NFIL3: variants seen among roughly 807,000 people sequenced by gnomAD.
The protein encoded by NFIL3 is nuclear factor, interleukin 3 regulated, also known as nuclear factor interleukin-3-regulated protein.
Under a neutral mutation model 10.0 loss-of-function variants are expected in NFIL3, and 5 were observed. The ratio of observed to expected loss-of-function variants is 0.50; its 90% CI spans 0.26 to 1.06. The LOEUF is 1.06. NFIL3 is among the 50% of genes least tolerant of loss of function. The pLI, the probability that NFIL3 is intolerant of heterozygous loss-of-function variation, is 0.13. For synonymous variants in NFIL3, 202 were observed against 206.5 expected (o/e 0.98, Z 0.19); for missense variants, 436 against 547.6 (o/e 0.80, Z 2.03).
intron 1 of NFIL3, among the ~76,000 whole-genome samples, chr9:91,423,159 T>C (rs1031803251): frequency 1.3e-5 from 2 of 151,978 alleles, no homozygotes; most frequent in Non-Finnish European, 2.9e-5. Flanking sequence ...CTACCAACCC[T>C]TTTTCTCACC....
the NFIL3 span, among the ~76,000 whole-genome samples, chr9:91,481,599 G>A: frequency 6.6e-6 from 1 of 151,890 alleles, no homozygotes; most frequent in Non-Finnish European, 1.5e-5. Flanking sequence ...ATACTTTCTT[G>A]TATATATCAC....
At chr9:91,417,880 A>C (rs1310973902) in intron 1 of NFIL3, among the ~76,000 whole-genome samples, 1 of 152,140 alleles carries the variant, frequency 6.6e-6, no homozygotes, top group Non-Finnish European at 1.5e-5. Context: ...TACTTTTTCT[A>C]TTTGGGTGCC....
chr9:91,455,557 T>A, the NFIL3 span, among the ~76,000 whole-genome samples: 2 of 152,310 alleles, frequency 1.3e-5, no homozygotes, highest in East Asian at 3.9e-4. Flanking sequence ...TTTTTTGGAT[T>A]TATTCCAAAC....
intron 1 of NFIL3, among the ~76,000 whole-genome samples, chr9:91,411,135 A>T (rs1833539947): frequency 6.6e-6 from 1 of 152,242 alleles, no homozygotes. Flanking sequence ...CAGTAAGAGA[A>T]TATGTGATCC....
the NFIL3 span, among the ~76,000 whole-genome samples, chr9:91,433,283 C>T: frequency 4.6e-5 from 7 of 152,176 alleles, no homozygotes; most frequent in African/African-American, 7.2e-5. Flanking sequence ...CTGTGACTAT[C>T]GGCAAATTGC....
At chr9:91,462,346 G>C in the NFIL3 span, among the ~76,000 whole-genome samples, 4,582 of 152,046 alleles carry the variant, frequency 0.03, 96 homozygotes, top group East Asian at 0.093. Flanking sequence ...TAGTTTTTTT[G>C]TAAGCGTTCT....
At chr9:91,429,489 G>C in the NFIL3 span, among the ~76,000 whole-genome samples, 1 of 152,244 alleles carries the variant, frequency 6.6e-6, no homozygotes, top group Admixed American at 6.5e-5. Flanking sequence ...ATTGTAACAT[G>C]GACAAGAGAA....
chr9:91,437,692 C>G, the NFIL3 span, among the ~76,000 whole-genome samples: 18 of 152,216 alleles, frequency 1.2e-4, no homozygotes, highest in Admixed American at 5.9e-4. Context: ...CCCTGGTAAG[C>G]AGTGTCTTAT....
chr9:91,450,675 CT>C, the NFIL3 span, among the ~76,000 whole-genome samples: 46 of 152,130 alleles, frequency 3.0e-4, no homozygotes, highest in African/African-American at 9.9e-4. Context: ...AATGTGTATC[CT>C]TCTATTGTTG....
At chr9:91,424,048 TC>T (rs1182870088), upstream of NFIL3, among the ~76,000 whole-genome samples, 3 of 133,580 alleles carry the variant, frequency 2.2e-5, no homozygotes, top group Non-Finnish European at 4.7e-5. Flanking sequence ...CTCGCGTCCC[TC>T]CCCGGCCAGG....
the NFIL3 span, among the ~76,000 whole-genome samples, chr9:91,477,831 C>CT: frequency 6.6e-5 from 10 of 151,280 alleles, 1 homozygote; most frequent in South Asian, 6.3e-4. Context: ...TATTCTTTTT[C>CT]TTTTTTTTTA....
the NFIL3 span, among the ~76,000 whole-genome samples, chr9:91,483,337 T>C: frequency 1.3e-5 from 2 of 152,148 alleles, no homozygotes; most frequent in Non-Finnish European, 2.9e-5. Flanking sequence ...GAAACTAGCA[T>C]AGTACTCACC....
At chr9:91,437,585 G>T in the NFIL3 span, among the ~76,000 whole-genome samples, 1 of 152,134 alleles carries the variant, frequency 6.6e-6, no homozygotes, top group Admixed American at 6.5e-5. Context: ...TAATCTTCAC[G>T]TACATTTGAT....
chr9:91,472,446 C>T, the NFIL3 span, among the ~76,000 whole-genome samples: 95 of 152,306 alleles, frequency 6.2e-4, no homozygotes, highest in Admixed American at 2.4e-3. Context: ...CGCTTCATTT[C>T]ATTCATTTGA....
the NFIL3 span, among the ~76,000 whole-genome samples, chr9:91,460,570 C>A: frequency 1.3e-5 from 2 of 152,240 alleles, no homozygotes; most frequent in East Asian, 1.9e-4. Context: ...AGCCACCACG[C>A]CCAGCTTGGG....
upstream of NFIL3, among the ~76,000 whole-genome samples, chr9:91,427,961 T>C (rs1203952843): frequency 1.3e-5 from 2 of 152,140 alleles, no homozygotes; most frequent in Non-Finnish European, 2.9e-5. Context: ...TGTTTTCAAG[T>C]GGAGGCTTTA....
At chr9:91,426,736 C>G (rs1243000046), upstream of NFIL3, 1 of 152,150 alleles carries the variant, frequency 6.6e-6, no homozygotes, top group Non-Finnish European at 1.5e-5. Flanking sequence ...AACAGAATGA[C>G]TAAAACAGTG....
At chr9:91,423,530 A>C (rs1833812276) in intron 1 of NFIL3, 110 bp downstream of exon 1, 1 of 150,820 alleles carries the variant, frequency 6.6e-6, no homozygotes, top group Non-Finnish European at 1.5e-5. Context: ...CCCAGCTTAC[A>C]GCCCGACCCC....
intron 1 of NFIL3, among the ~76,000 whole-genome samples, chr9:91,414,315 T>C (rs1323014797): frequency 1.3e-5 from 2 of 152,240 alleles, no homozygotes; most frequent in South Asian, 2.1e-4. Context: ...GCAATTCTCC[T>C]GCCTCAGCCT....
Sources: allele counts gnomAD v4.1 joint callset (sites outside exome capture counted in the v4.1 genomes callset), GRCh38; gene constraint gnomAD v4.1.1; transcripts MANE v1.5; gene names NCBI Gene and HGNC (gene_info 2026-07-23, HGNC 2026-07-21).